PDE4D: variants seen among roughly 807,000 people sequenced by gnomAD.
PDE4D encodes the protein phosphodiesterase 4D.
A neutral mutation model predicts 87.4 loss-of-function variants in PDE4D; 24 were observed. The observed-to-expected ratio is 0.27, with a 90% confidence interval of 0.20 to 0.39. The LOEUF is 0.39. Ranked by LOEUF, PDE4D falls within the 10% of genes least tolerant of loss-of-function variation. The pLI is 1.00. For synonymous variants in PDE4D, 384 were observed against 383.2 expected (o/e 1.00, Z -0.02); for missense variants, 714 against 1,041.0 (o/e 0.69, Z 4.32).
intron 2 of PDE4D, among the ~76,000 whole-genome samples, chr5:60,092,075 A>G (rs1276904897): frequency 1.3e-5 from 2 of 150,784 alleles, no homozygotes; most frequent in South Asian, 2.1e-4. Flanking sequence ...AAAAAAAAAA[A>G]AAAGAAAATG....
intron 6 of PDE4D, chr5:59,002,130 A>G: frequency 2.1e-6 from 1 of 484,010 alleles, no homozygotes; most frequent in Non-Finnish European, 4.1e-6. Context: ...TAACTTTAAT[A>G]TCACCCCCTC....
intron 1 of PDE4D, among the ~76,000 whole-genome samples, chr5:59,670,637 A>G: frequency 6.6e-6 from 1 of 152,214 alleles, no homozygotes; most frequent in Non-Finnish European, 1.5e-5. Context: ...AAAGGTTGAA[A>G]CACTTCTGGT....
At chr5:60,269,430 A>G (rs1750589910) in intron 1 of PDE4D, among the ~76,000 whole-genome samples, 1 of 152,232 alleles carries the variant, frequency 6.6e-6, no homozygotes, top group South Asian at 2.1e-4. Context: ...TAATGGTCAC[A>G]TTTTATCATA....
At chr5:59,809,086 A>T (rs1768054880) in intron 1 of PDE4D, among the ~76,000 whole-genome samples, 1 of 152,194 alleles carries the variant, frequency 6.6e-6, no homozygotes, top group South Asian at 2.1e-4. Flanking sequence ...ACTTTATGGA[A>T]GTCGAAGAGT....
intron 1 of PDE4D, among the ~76,000 whole-genome samples, chr5:59,342,224 C>T (rs1197348708): frequency 1.3e-5 from 2 of 152,122 alleles, no homozygotes; most frequent in Non-Finnish European, 2.9e-5. Flanking sequence ...CGGAAAGGAA[C>T]TTTGTAAAGA....
At chr5:60,342,268 AT>A (rs547062280) in intron 1 of PDE4D, among the ~76,000 whole-genome samples, 1 of 152,056 alleles carries the variant, frequency 6.6e-6, no homozygotes, top group Non-Finnish European at 1.5e-5. Flanking sequence ...TGCTTTGACC[AT>A]TTTTTTGCAT....
At chr5:60,363,414 T>C (rs1180439536) in intron 1 of PDE4D, among the ~76,000 whole-genome samples, 3 of 151,932 alleles carry the variant, frequency 2.0e-5, no homozygotes, top group Non-Finnish European at 4.4e-5. Flanking sequence ...CAATCAAGAG[T>C]CAAACAGATT....
intron 1 of PDE4D, among the ~76,000 whole-genome samples, chr5:59,816,725 C>T (rs1769022039): frequency 6.6e-6 from 1 of 152,060 alleles, no homozygotes; most frequent in South Asian, 2.1e-4. Flanking sequence ...GGACAACACC[C>T]TAGGATTTCC....
At chr5:59,553,729 GAA>G (rs921581289) in intron 1 of PDE4D, among the ~76,000 whole-genome samples, 17 of 152,248 alleles carry the variant, frequency 1.1e-4, no homozygotes, top group African/African-American at 3.4e-4. Flanking sequence ...ATGCCACTGA[GAA>G]AGATTAACAG....
At chr5:59,381,625 C>T (rs1358873588) in intron 1 of PDE4D, among the ~76,000 whole-genome samples, 1 of 152,052 alleles carries the variant, frequency 6.6e-6, no homozygotes, top group Non-Finnish European at 1.5e-5. Context: ...AGCCGTGGTC[C>T]TATGTGGTCA....
intron 1 of PDE4D, among the ~76,000 whole-genome samples, chr5:59,268,706 A>G (rs747923502): frequency 3.9e-5 from 6 of 151,990 alleles, no homozygotes; most frequent in African/African-American, 7.2e-5. Flanking sequence ...CCTAGCTAAT[A>G]TCCCTCAGGC....
At chr5:59,671,865 A>C (rs997607120) in intron 1 of PDE4D, among the ~76,000 whole-genome samples, 5 of 152,130 alleles carry the variant, frequency 3.3e-5, no homozygotes, top group Non-Finnish European at 5.9e-5. Context: ...CTTTACATTA[A>C]AAGCACTACT....
intron 3 of PDE4D, among the ~76,000 whole-genome samples, chr5:59,916,110 T>C (rs1754014088): frequency 6.6e-6 from 1 of 152,142 alleles, no homozygotes; most frequent in Non-Finnish European, 1.5e-5. Flanking sequence ...ATATAATCTA[T>C]GAGAATGCTT....
intron 3 of PDE4D, among the ~76,000 whole-genome samples, chr5:59,935,782 G>T (rs939436185): frequency 6.6e-6 from 1 of 152,104 alleles, no homozygotes; most frequent in African/African-American, 2.4e-5. Flanking sequence ...CAAAGGACAT[G>T]AACTCATCAT....
At position 59,047,825 on chromosome 5, in the gene PDE4D, G is replaced by A. The variant is rs187831907; in HGVS notation, c.809-8854C>T. ...AATGGAGCCCTCATGAATTAGATTC[G>A]TGCCATTATAAGAAGAGGCCAGAGG... On this transcript the variant is annotated intron_variant, in intron 5 of 14. Coordinates refer to ENST00000340635, the MANE Select transcript of PDE4D (RefSeq NM_001104631.2). 2.4e-4 allele frequency among the ~76,000 whole-genome samples: 36 copies of A among 152,246 alleles called. No homozygotes were observed. In the East Asian group the frequency reaches 5.4e-3, roughly 23 times the overall value.
chr5:59,332,498 A>G (rs754172780), intron 1 of PDE4D, among the ~76,000 whole-genome samples: 14 of 151,960 alleles, frequency 9.2e-5, no homozygotes, highest in Non-Finnish European at 1.8e-4. Flanking sequence ...TCCAAGATTT[A>G]CTCTGTATTT....
intron 1 of PDE4D, among the ~76,000 whole-genome samples, chr5:59,481,776 C>T (rs1804302392): frequency 6.6e-6 from 1 of 151,896 alleles, no homozygotes; most frequent in South Asian, 2.1e-4. Context: ...CATCATCTGG[C>T]TCTTCTCATT....
At chr5:59,529,196 G>T in intron 1 of PDE4D, 2 of 483,400 alleles carry the variant, frequency 4.1e-6, no homozygotes. Context: ...GACAGGGATA[G>T]GAAAGAAAAA....
At chr5:60,416,691 T>C (rs1014874697) in intron 1 of PDE4D, among the ~76,000 whole-genome samples, 3 of 152,170 alleles carry the variant, frequency 2.0e-5, no homozygotes, top group Non-Finnish European at 4.4e-5. Context: ...GCTTCATTCT[T>C]GAAGTCAGTG....
Sources: gnomAD v4.1 joint callset for allele counts (sites outside exome capture counted in the v4.1 genomes callset) on GRCh38, gnomAD v4.1.1 for gene constraint, MANE v1.5 for transcripts, NCBI Gene and HGNC (gene_info 2026-07-23, HGNC 2026-07-21) for gene names.